DMD: variants seen among roughly 807,000 people sequenced by gnomAD.
DMD encodes mutant dystrophin.
DMD carries 63 observed loss-of-function variants against 330.1 expected under a neutral mutation model. The observed-to-expected ratio is 0.19, with a 90% CI of 0.16 to 0.24. DMD has a LOEUF of 0.24. Ranked by LOEUF, DMD falls within the 10% of genes least tolerant of loss-of-function variation. DMD has a pLI of 1.00. For synonymous variants in DMD, 1,223 were observed against 959.8 expected, an observed-to-expected ratio of 1.27 and a Z score of -5.07; for missense variants, 3,344 against 2,684.1, an observed-to-expected ratio of 1.25 and a Z score of -5.43.
Position 32,701,424 on chromosome X carries a change from C to T in DMD, c.650-2131G>A, listed in dbSNP as rs192717176. Among the ~76,000 whole-genome samples, 3 of 111,910 alleles carry T rather than the reference C, an allele frequency of 2.7e-5. No individual in the cohort carries two copies. In the East Asian group the frequency reaches 8.4e-4, roughly 31 times the overall value. Reference sequence around the variant, plus strand: ...AAGAAGAACTAAATAATATTTTGTGCATGAACACTGCCTTCCTTAATAATC... The same window carrying T: ...AAGAAGAACTAAATAATATTTTGTGTATGAACACTGCCTTCCTTAATAATC... On this transcript the variant is annotated intron_variant, in intron 7 of 78. Transcript: ENST00000357033.
intron 53 of DMD, among the ~76,000 whole-genome samples, chrX:31,664,181 A>G (rs2081286318): frequency 9.0e-6 from 1 of 111,216 alleles, no homozygotes; most frequent in Non-Finnish European, 1.9e-5. Flanking sequence ...GCACTTCACC[A>G]TTACCTTAAG....
At chrX:31,767,101 A>G (rs1041014192) in intron 51 of DMD, among the ~76,000 whole-genome samples, 1 of 112,051 alleles carries the variant, frequency 8.9e-6, no homozygotes, top group African/African-American at 3.2e-5. Context: ...GCTGTCTACC[A>G]GAGACATGTA....
intron 2 of DMD, among the ~76,000 whole-genome samples, chrX:32,876,778 G>A (rs1400045922): frequency 1.8e-5 from 2 of 111,743 alleles, no homozygotes; most frequent in Non-Finnish European, 3.8e-5. Context: ...AACAGTTTCA[G>A]TTTTCAGCTA....
At chrX:33,261,902 T>C (rs983458236) in intron 1 of DMD, among the ~76,000 whole-genome samples, 6 of 106,049 alleles carry the variant, frequency 5.7e-5, no homozygotes, top group Non-Finnish European at 1.2e-4. Context: ...TGTGAATAAA[T>C]AAAGGCCTAA....
intron 2 of DMD, chrX:32,960,307 G>A (rs1021513036): frequency 4.5e-5 from 5 of 110,454 alleles, no homozygotes; most frequent in African/African-American, 1.6e-4. Context: ...GCTCCTCTGA[G>A]CCCTCTTCTC....
intron 42 of DMD, among the ~76,000 whole-genome samples, chrX:32,289,680 A>G (rs1361954676): frequency 9.0e-6 from 1 of 111,664 alleles, no homozygotes; most frequent in East Asian, 2.8e-4. Context: ...ACTAATTATA[A>G]TGCATTAGCA....
chrX:32,166,565 C>T (rs1217035287), intron 44 of DMD, among the ~76,000 whole-genome samples: 1 of 112,009 alleles, frequency 8.9e-6, no homozygotes, highest in Non-Finnish European at 1.9e-5. Context: ...ATTTGAAATA[C>T]CACATATTTA....
chrX:33,321,096 G>T (rs1483576747), intron 1 of DMD, among the ~76,000 whole-genome samples: 1 of 111,194 alleles, frequency 9.0e-6, no homozygotes, highest in Non-Finnish European at 1.9e-5. Flanking sequence ...GTTGAAATCA[G>T]CTTCTTCTAA....
chrX:31,716,109 CACA>C (rs2085024356), intron 52 of DMD, among the ~76,000 whole-genome samples: 1 of 112,488 alleles, frequency 8.9e-6, no homozygotes, highest in African/African-American at 3.2e-5. Flanking sequence ...CTCAGAGAGA[CACA>C]ACAACGTTGA....
chrX:33,172,807 G>A (rs756785864), intron 1 of DMD, among the ~76,000 whole-genome samples: 1 of 111,530 alleles, frequency 9.0e-6, no homozygotes, highest in Non-Finnish European at 1.9e-5. Flanking sequence ...ACATGCACTT[G>A]TATACAAATA....
chrX:31,340,212 C>T (rs1006203637), intron 61 of DMD, among the ~76,000 whole-genome samples: 4 of 112,009 alleles, frequency 3.6e-5, no homozygotes, highest in African/African-American at 1.3e-4. Flanking sequence ...GATTGTAAAG[C>T]CTGCAAGAAA....
At chrX:32,899,729 C>T (rs1321031418) in intron 2 of DMD, among the ~76,000 whole-genome samples, 1 of 109,461 alleles carries the variant, frequency 9.1e-6, no homozygotes, top group East Asian at 2.9e-4. Context: ...AGTGTTTGTA[C>T]TTAATTCTAA....
At chrX:33,283,878 C>T (rs974805541) in intron 1 of DMD, among the ~76,000 whole-genome samples, 8 of 107,916 alleles carry the variant, frequency 7.4e-5, no homozygotes, top group African/African-American at 2.7e-4. Context: ...ATTAGCTGGG[C>T]ATGGTGGCGG....
chrX:32,520,751 T>C (rs228336), intron 17 of DMD, among the ~76,000 whole-genome samples: 35,157 of 110,626 alleles, frequency 0.32, 5,126 homozygotes, highest in African/African-American at 0.57. Flanking sequence ...ATAAACTGCT[T>C]GCACCTAAAT....
intron 1 of DMD, among the ~76,000 whole-genome samples, chrX:33,242,689 G>T (rs577386328): frequency 8.9e-6 from 1 of 111,867 alleles, no homozygotes; most frequent in South Asian, 3.7e-4. Context: ...CATAGCGGTT[G>T]TATACTAGTC....
intron 1 of DMD, among the ~76,000 whole-genome samples, chrX:33,055,355 G>T (rs1313882220): frequency 9.0e-6 from 1 of 111,714 alleles, no homozygotes; most frequent in Non-Finnish European, 1.9e-5. Context: ...ACGTGAGTAA[G>T]GAAGTAGATA....
At chrX:33,151,958 A>G (rs758286238) in intron 1 of DMD, among the ~76,000 whole-genome samples, 1 of 111,723 alleles carries the variant, frequency 9.0e-6, no homozygotes, top group South Asian at 3.7e-4. Context: ...AATTGAAAAT[A>G]TTTTCTTTTA....
chrX:32,658,741 C>T (rs2060753156), intron 9 of DMD, among the ~76,000 whole-genome samples: 1 of 111,172 alleles, frequency 9.0e-6, no homozygotes, highest in Admixed American at 9.7e-5. Context: ...TCCCCCTGCC[C>T]TACCTCCATT....
intron 52 of DMD, among the ~76,000 whole-genome samples, chrX:31,715,104 A>C (rs983112886): frequency 9.0e-6 from 1 of 110,894 alleles, no homozygotes; most frequent in Non-Finnish European, 1.9e-5. Context: ...TTAAGTTATA[A>C]CATAACATTT....
Sources: gnomAD v4.1 joint callset for allele counts (sites outside exome capture counted in the v4.1 genomes callset) on GRCh38, gnomAD v4.1.1 for gene constraint, MANE v1.5 for transcripts, NCBI Gene and HGNC (gene_info 2026-07-23, HGNC 2026-07-21) for gene names.